The following ATP13A4 variants were observed in gnomAD, a reference collection of about 807,000 sequenced individuals.
ATP13A4 encodes ATPase 13A4, also known as probable cation-transporting ATPase 13A4.
Under a neutral mutation model 142.5 loss-of-function variants are expected in ATP13A4, and 114 were observed. That is an observed-to-expected ratio of 0.80 (90% confidence interval 0.69 to 0.93). The LOEUF (loss-of-function observed/expected upper bound fraction) is 0.93, where lower values mean the gene tolerates loss of function less well. Among genes scored for constraint, ATP13A4 ranks in the 40% least tolerant of loss-of-function variants. The probability of loss-of-function intolerance (pLI) is 0.00; values close to 1 mark genes in which losing one functional copy is unlikely to be tolerated. For missense variants in ATP13A4, 1,392 were observed against 1,454.0 expected (o/e 0.96, Z 0.69); for synonymous variants, 488 against 514.8 (o/e 0.95, Z 0.70).
chr3:193,464,930 A>G lies in ATP13A4; in HGVS notation c.1461+10T>C, dbSNP rs1192796588. 6 of 1,612,418 alleles carry G rather than the reference A, an allele frequency of 3.7e-6. No individual in the cohort carries two copies. The South Asian group carries it at 5.5e-5, about 15-fold the overall frequency. On this transcript the variant is annotated intron_variant, in intron 12 of 29. Coordinates refer to ENST00000342695, the MANE Select transcript of ATP13A4 (RefSeq NM_032279.4). The stretch of plus-strand genomic sequence containing the variant: ...AAATGATGATAAGAATAAGGATGAA[A>G]CACACATACCTTGTCAAAGCAGACA...
intron 1 of ATP13A4, among the ~76,000 whole-genome samples, chr3:193,526,195 A>G (rs770494633): frequency 1.1e-4 from 16 of 152,194 alleles, no homozygotes; most frequent in Non-Finnish European, 1.9e-4. Flanking sequence ...TAGTGCTGCA[A>G]TAAACATGCC....
rs1247715395 is a variant in ATP13A4 at position 193,541,142 on chromosome 3, G to A, written c.60+13598C>T. Among the ~76,000 whole-genome samples, 9 of 150,936 alleles carry A rather than the reference G, an allele frequency of 6.0e-5. No homozygotes were observed. In the South Asian group the frequency reaches 8.4e-4, roughly 14 times the overall value. On this transcript the variant is annotated intron_variant, in intron 1 of 29. Coordinates refer to ENST00000342695, the MANE Select transcript of ATP13A4 (RefSeq NM_032279.4). ...CAGGCGCCTGTAGTCCCAGCTACTC[G>A]GGAGGCTGAGGCAGGAGAATGGCGT...
intron 28 of ATP13A4, among the ~76,000 whole-genome samples, chr3:193,410,636 T>C (rs934970790): frequency 6.6e-6 from 1 of 152,172 alleles, no homozygotes; most frequent in Admixed American, 6.5e-5. Context: ...GGAGAATTGC[T>C]TGAGCTCAGA....
At chr3:193,413,171 C>T (rs1197628119) in intron 26 of ATP13A4, among the ~76,000 whole-genome samples, 1 of 152,108 alleles carries the variant, frequency 6.6e-6, no homozygotes, top group African/African-American at 2.4e-5. Flanking sequence ...TTTATAATTT[C>T]CTATGCCTGT....
intron 1 of ATP13A4, among the ~76,000 whole-genome samples, chr3:193,526,781 G>C (rs1483997918): frequency 6.6e-6 from 1 of 152,192 alleles, no homozygotes; most frequent in Non-Finnish European, 1.5e-5. Context: ...TTATCTCTGG[G>C]TGGGGAGAGA....
chr3:193,437,520 C>T (rs932200997), intron 23 of ATP13A4, among the ~76,000 whole-genome samples: 1 of 152,046 alleles, frequency 6.6e-6, no homozygotes, highest in Non-Finnish European at 1.5e-5. Flanking sequence ...AAAATTAATT[C>T]TAAGACAATC....
At chr3:193,528,121 C>A (rs954912565) in intron 1 of ATP13A4, among the ~76,000 whole-genome samples, 1 of 152,184 alleles carries the variant, frequency 6.6e-6, no homozygotes, top group African/African-American at 2.4e-5. Flanking sequence ...ACCATTTGTG[C>A]AAATTGGTGC....
chr3:193,455,340 C>CAA (rs71179306), intron 16 of ATP13A4, among the ~76,000 whole-genome samples: 1,096 of 75,168 alleles, frequency 0.015, 28 homozygotes, highest in African/African-American at 0.044. Flanking sequence ...GACTCCGTCT[C>CAA]AAAAAAAAAA....
chr3:193,584,258 T>C (rs1724627977), intron 1 of ATP13A4, among the ~76,000 whole-genome samples: 1 of 152,132 alleles, frequency 6.6e-6, no homozygotes, highest in South Asian at 2.1e-4. Context: ...GGATTAGCAT[T>C]GGAGTGATGT....
chr3:193,569,476 T>C (rs60897534), intron 2 of ATP13A4, among the ~76,000 whole-genome samples: 8,914 of 152,234 alleles, frequency 0.059, 414 homozygotes, highest in African/African-American at 0.13. Context: ...TCAACTCTAG[T>C]TAATAGCAAC....
In ATP13A4 at chr3:193,399,845, CAAAAAAAA is replaced by C. The variant is rs71177402; in HGVS notation, c.*2799_*2806del. On this transcript the variant is annotated 3_prime_UTR_variant, in exon 30 of 30. Transcript: ENST00000342695. ...TGGGCAACAGAGTGAGACTCCATCT[CAAAAAAAA>C]AAAAAAAAAAAAAAGGTTCACATCA... 1.4e-5 allele frequency among the ~76,000 whole-genome samples: 1 copy of C among 72,708 alleles called. No individual in the cohort carries two copies. The highest frequency in any genetic ancestry group is 5.8e-5 in the African/African-American group (1 of 17,346). 47.7% of individuals were successfully genotyped at this position (72,708 alleles called of 152,430 possible).
chr3:193,502,196 G>C (rs1720586766), intron 3 of ATP13A4, among the ~76,000 whole-genome samples: 1 of 152,126 alleles, frequency 6.6e-6, no homozygotes, highest in South Asian at 2.1e-4. Flanking sequence ...TATATACCTG[G>C]AACTACTTTA....
Position 193,561,344 on chromosome 3 carries a change from C to T in ATP13A4, n.291+20363G>A, listed in dbSNP as rs936910112. On this transcript the variant is annotated intron_variant and non_coding_transcript_variant, in intron 2 of 3. Transcript: ENST00000489140. ...AGGTTCCTGGTGCAGATGAAGAAAG[C>T]GGCAAGGCTGGGGCTCCACTGGGCC... Among the ~76,000 whole-genome samples, 38 of 152,290 alleles carry T rather than the reference C, an allele frequency of 2.5e-4. 1 individual carries two copies. The highest frequency in any genetic ancestry group is 6.2e-4 in the South Asian group (3 of 4,824).
intron 12 of ATP13A4, among the ~76,000 whole-genome samples, chr3:193,463,796 T>C (rs1718102656): frequency 6.6e-6 from 1 of 152,198 alleles, no homozygotes; most frequent in African/African-American, 2.4e-5. Flanking sequence ...GCTAGTTTGA[T>C]CACAAAATAA....
intron 3 of ATP13A4, among the ~76,000 whole-genome samples, chr3:193,499,528 G>A (rs774219842): frequency 7.2e-5 from 11 of 152,074 alleles, no homozygotes; most frequent in South Asian, 2.1e-4. Context: ...TTCACTTTGC[G>A]CCTGAAGTTC....
chr3:193,454,175 C>T lies in ATP13A4; in HGVS notation c.1953G>A (p.Thr651=), dbSNP rs149740840. 2.6e-5 allele frequency: 42 copies of T among 1,614,038 alleles called. 1 individual carries two copies. Among genetic ancestry groups the T allele is most frequent in the African/African-American group, 6.7e-5 (5 of 75,046 alleles). Residue 651 remains threonine (T), a synonymous_variant, in exon 17 of 30, where the codon ACG becomes ACA. Transcript: ENST00000342695. The stretch of plus-strand genomic sequence containing the variant: ...GTGCTATGACTCGGAAGCCCTGTGT[C>T]GTGTAAATCTGAAGTTCGCTAACAA... ...TSFVSELQIY[T]TQGFRVIALA...
At chr3:193,563,453 C>T (rs549465124) in intron 2 of ATP13A4, among the ~76,000 whole-genome samples, 20 of 152,342 alleles carry the variant, frequency 1.3e-4, no homozygotes, top group Admixed American at 8.5e-4. Flanking sequence ...AAAGTACCCA[C>T]AAATATCAAT....
At chr3:193,459,284 A>G in intron 13 of ATP13A4, 53 bp from the exon 14 acceptor site, 1 of 1,606,320 alleles carries the variant, frequency 6.2e-7, no homozygotes, top group South Asian at 1.1e-5. Flanking sequence ...GCCAAAACAG[A>G]GCATCTTGGA....
At chr3:193,458,556 A>G (rs1281340464) in intron 14 of ATP13A4, 1 of 164,410 alleles carries the variant, frequency 6.1e-6, no homozygotes, top group Non-Finnish European at 1.3e-5. Context: ...TGGCTCTTAA[A>G]TCTAGTTTAG....
Sources: gnomAD v4.1 joint callset for allele counts (sites outside exome capture counted in the v4.1 genomes callset) on GRCh38, gnomAD v4.1.1 for gene constraint, MANE v1.5 for transcripts, NCBI Gene and HGNC (gene_info 2026-07-23, HGNC 2026-07-21) for gene names.